Variants in PRKCE observed in about 807,000 individuals in gnomAD.
PRKCE encodes protein kinase C epsilon, also known as protein kinase C epsilon type.
A neutral mutation model predicts 85.4 loss-of-function variants in PRKCE; 16 were observed. That is an observed-to-expected ratio of 0.19 (90% confidence interval 0.13 to 0.28). The LOEUF is 0.28. Ranked by LOEUF, PRKCE falls within the 10% of genes least tolerant of loss-of-function variation. The pLI is 1.00. For synonymous variants in PRKCE, 388 were observed against 371.5 expected, an observed-to-expected ratio of 1.04 and a Z score of -0.51; for missense variants, 573 against 975.2, an observed-to-expected ratio of 0.59 and a Z score of 5.49.
intron 2 of PRKCE, among the ~76,000 whole-genome samples, chr2:45,855,257 C>G (rs1327093917): frequency 1.3e-5 from 2 of 151,926 alleles, no homozygotes; most frequent in Non-Finnish European, 2.9e-5. Flanking sequence ...TTTAAAAATC[C>G]AAGGCTTACA....
chr2:45,984,613 C>G lies in PRKCE; in HGVS notation c.756C>G (p.Val252=). The change falls in exon 6 of 15, where the codon GTC becomes GTG. Residue 252 remains valine, a synonymous_variant. Transcript: ENST00000306156. ...AGTTCGGTATCCACAACTACAAGGT[C>G]CCTACCTTCTGCGATCACTGTGGGT... ...PHKFGIHNYK[V]PTFCDHCGSL... The G allele has an allele frequency of 1.9e-6, 3 of 1,599,836 alleles. No homozygotes were observed. The highest frequency in any genetic ancestry group is 2.2e-5 in the East Asian group (1 of 44,878).
intron 1 of PRKCE, among the ~76,000 whole-genome samples, chr2:45,672,244 A>G (rs1676205456): frequency 6.6e-6 from 1 of 150,532 alleles, no homozygotes; most frequent in Admixed American, 6.6e-5. Context: ...CCATCTGTCT[A>G]TGCATCCATC....
intron 1 of PRKCE, among the ~76,000 whole-genome samples, chr2:45,681,465 T>A (rs11676746): frequency 6.6e-6 from 1 of 152,114 alleles, no homozygotes; most frequent in Non-Finnish European, 1.5e-5. Flanking sequence ...ATTTGTAAAC[T>A]GAGTCATGAA....
chr2:46,056,803 A>G (rs1410242071), intron 10 of PRKCE, among the ~76,000 whole-genome samples: 2 of 152,230 alleles, frequency 1.3e-5, no homozygotes, highest in Admixed American at 1.3e-4. Flanking sequence ...TTTTTTAAGT[A>G]GTGAATCATG....
rs1232470131 is a variant in PRKCE, at chr2:45,976,463, A to T, written c.447A>T (p.Glu149Asp). The T allele has an allele frequency of 6.3e-7, 1 of 1,599,550 alleles. No individual in the cohort carries two copies. Among genetic ancestry groups the T allele is most frequent in the Non-Finnish European group, 8.5e-7 (1 of 1,179,846 alleles). ...ACAATGAAGAGCGTGTGTTCAGGGA[A>T]CGCATGCGGCCGAGGAAGCGGCAGG... ...PKDNEERVFR[E>D]RMRPRKRQGA... Residue 149 changes from glutamate to aspartate, a missense_variant, in exon 3 of 15, where the codon GAA becomes GAT. By Grantham distance (45) the Glu-to-Asp change is conservative. Around this residue, in one of 11 missense-constraint regions of PRKCE, gnomAD observed 33 missense variants for 33.7 expected, o/e 0.98. Coordinates refer to ENST00000306156, the MANE Select transcript of PRKCE (RefSeq NM_005400.3).
chr2:46,138,508 T>C lies in PRKCE; in HGVS notation c.1593-6585T>C, dbSNP rs1471188087. Among the ~76,000 whole-genome samples, 1 of 152,112 alleles carries C rather than the reference T, an allele frequency of 6.6e-6. No homozygotes were observed. Among genetic ancestry groups the C allele is most frequent in the Non-Finnish European group, 1.5e-5 (1 of 68,016 alleles). ...AGTCAGGATTCCCATCTCCTAGGAATAAAATGGCAGAGGATGTACCAGGCG... is the reference window on the plus strand; with the variant it reads ...AGTCAGGATTCCCATCTCCTAGGAACAAAATGGCAGAGGATGTACCAGGCG... On this transcript the variant is annotated intron_variant, in intron 11 of 14. Coordinates refer to ENST00000306156, the MANE Select transcript of PRKCE (RefSeq NM_005400.3). This position sits in a 1 kb window ranked among gnomAD's most constrained non-coding sequence, Gnocchi z 4.2.
At chr2:45,979,449 TC>T (rs1702710756) in intron 4 of PRKCE, among the ~76,000 whole-genome samples, 1 of 152,222 alleles carries the variant, frequency 6.6e-6, no homozygotes, top group Admixed American at 6.5e-5. Context: ...CCTTGTCTAA[TC>T]CCTTTTTTTG....
chr2:46,179,574 T>C (rs1679769995), intron 14 of PRKCE, among the ~76,000 whole-genome samples: 1 of 152,176 alleles, frequency 6.6e-6, no homozygotes, highest in South Asian at 2.1e-4. Flanking sequence ...GGAATCGGAA[T>C]GTTGTTTTCC....
intron 2 of PRKCE, among the ~76,000 whole-genome samples, chr2:45,943,775 A>G (rs999324768): frequency 2.0e-5 from 3 of 152,160 alleles, no homozygotes; most frequent in Non-Finnish European, 4.4e-5. Context: ...TTGTCAGGAG[A>G]GTTCCCAGTT....
chr2:46,071,570 C>A (rs1463016483), intron 10 of PRKCE, among the ~76,000 whole-genome samples: 1 of 152,158 alleles, frequency 6.6e-6, no homozygotes, highest in Non-Finnish European at 1.5e-5. Flanking sequence ...GACCCCTATA[C>A]CACACCAATG....
At chr2:45,686,762 G>A (rs1471735982) in intron 1 of PRKCE, among the ~76,000 whole-genome samples, 1 of 152,144 alleles carries the variant, frequency 6.6e-6, no homozygotes, top group Non-Finnish European at 1.5e-5. Flanking sequence ...AATTGATACT[G>A]TGTAGACTGA....
intron 2 of PRKCE, among the ~76,000 whole-genome samples, chr2:45,915,207 C>A (rs1697675930): frequency 6.6e-6 from 1 of 152,168 alleles, no homozygotes; most frequent in Non-Finnish European, 1.5e-5. Flanking sequence ...GTATTTTAGA[C>A]TGACATTTTT....
chr2:46,126,169 C>A (rs561363882), intron 11 of PRKCE, among the ~76,000 whole-genome samples: 10 of 152,284 alleles, frequency 6.6e-5, no homozygotes, highest in African/African-American at 1.2e-4. Flanking sequence ...GTCTTAGAAG[C>A]AGATTCCATT....
intron 2 of PRKCE, among the ~76,000 whole-genome samples, chr2:45,942,971 T>TG (rs1315875479): frequency 6.6e-6 from 1 of 152,232 alleles, no homozygotes; most frequent in African/African-American, 2.4e-5. Context: ...AGTTAGCTGC[T>TG]GCTGTTCTTA....
At chr2:45,684,666 G>A (rs937696976) in intron 1 of PRKCE, among the ~76,000 whole-genome samples, 8 of 152,210 alleles carry the variant, frequency 5.3e-5, no homozygotes, top group East Asian at 1.9e-4. Flanking sequence ...GCATCTGGGC[G>A]CCTAGTCAGG....
intron 1 of PRKCE, among the ~76,000 whole-genome samples, chr2:45,814,960 T>C (rs1049858195): frequency 1.3e-5 from 2 of 152,186 alleles, no homozygotes; most frequent in African/African-American, 4.8e-5. Flanking sequence ...TTGGGTGTTC[T>C]CTAAGTTCCT....
chr2:45,959,322 G>A (rs1374695127), intron 2 of PRKCE, among the ~76,000 whole-genome samples: 3 of 152,190 alleles, frequency 2.0e-5, no homozygotes, highest in South Asian at 2.1e-4. Context: ...TCTCAGGCAG[G>A]TGGTTTGGAA....
At chr2:45,840,791 G>A (rs189795055) in intron 1 of PRKCE, among the ~76,000 whole-genome samples, 17 of 152,342 alleles carry the variant, frequency 1.1e-4, no homozygotes, top group African/African-American at 3.8e-4. Flanking sequence ...GATTGTGTGT[G>A]GGGTGAGACG....
At chr2:46,083,147 C>T (rs574931544) in intron 10 of PRKCE, among the ~76,000 whole-genome samples, 19 of 152,274 alleles carry the variant, frequency 1.2e-4, no homozygotes, top group Middle Eastern at 3.4e-3. Context: ...GACAGGGTTT[C>T]GCCATGTTGG....
Sources: gnomAD v4.1 joint callset for allele counts (sites outside exome capture counted in the v4.1 genomes callset) on GRCh38, gnomAD v4.1.1 for gene constraint, gnomAD v4.1.1 regional missense constraint, Gnocchi (gnomAD v3.1) non-coding constraint, MANE v1.5 for transcripts, NCBI Gene and HGNC (gene_info 2026-07-23, HGNC 2026-07-21) for gene names.